Variants in EPM2A observed in about 807,000 individuals in gnomAD.
EPM2A encodes the protein laforin.
EPM2A carries 21 observed loss-of-function variants against 26.5 expected under a neutral mutation model. That is an observed-to-expected ratio of 0.79 (90% CI 0.56 to 1.14). The LOEUF is 1.14. Among genes scored for constraint, EPM2A ranks in the 50% most tolerant of loss-of-function variants. The probability of loss-of-function intolerance (pLI) is 0.00; values close to 1 mark genes in which losing one functional copy is unlikely to be tolerated. For missense variants in EPM2A, 458 were observed against 440.8 expected, an observed-to-expected ratio of 1.04 and a Z score of -0.35; for synonymous variants, 217 against 177.6, an observed-to-expected ratio of 1.22 and a Z score of -1.76.
chr6:145,522,081 T>C (rs1382779614), intron 2 of EPM2A, among the ~76,000 whole-genome samples: 3 of 152,084 alleles, frequency 2.0e-5, no homozygotes, highest in African/African-American at 7.2e-5. Flanking sequence ...GTCTCCCAAG[T>C]AGCTGGGACT....
chr6:145,528,614 T>C (rs1208278373), intron 2 of EPM2A, among the ~76,000 whole-genome samples: 1 of 152,138 alleles, frequency 6.6e-6, no homozygotes, highest in East Asian at 1.9e-4. Context: ...AAATATATAT[T>C]TCTTTTCAAA....
intron 2 of EPM2A, among the ~76,000 whole-genome samples, chr6:145,513,473 T>C (rs1250998623): frequency 6.6e-6 from 1 of 152,210 alleles, no homozygotes; most frequent in African/African-American, 2.4e-5. Flanking sequence ...GTTCAACCTC[T>C]ATGGAAAATA....
intron 4 of EPM2A, among the ~76,000 whole-genome samples, chr6:145,405,915 G>C (rs1434661531): frequency 6.6e-6 from 1 of 151,264 alleles, no homozygotes; most frequent in Non-Finnish European, 1.5e-5. Flanking sequence ...GTTTGAACTT[G>C]ACCATTCCTG....
rs568996239 is a variant in EPM2A, at chr6:145,726,180, G to A, written c.301+9018C>T. On this transcript the variant is annotated intron_variant, in intron 1 of 3. Transcript: ENST00000367519. ...AAAATCACACACACAAAGATGGGGG[G>A]ATGTCAAAGAGACACAAAAGAGAAG... is the stretch of plus-strand genomic sequence containing the variant. Among the ~76,000 whole-genome samples, 784 of 152,054 alleles carry A rather than the reference G, an allele frequency of 5.2e-3. 6 individuals carry two copies. Among genetic ancestry groups the A allele is most frequent in the African/African-American group, 0.018 (747 of 41,508 alleles).
chr6:145,510,762 A>G (rs1780043939), intron 2 of EPM2A, among the ~76,000 whole-genome samples: 1 of 152,208 alleles, frequency 6.6e-6, no homozygotes, highest in Non-Finnish European at 1.5e-5. Flanking sequence ...AACTAAAATT[A>G]GAGCAGAACT....
intron 1 of EPM2A, among the ~76,000 whole-genome samples, chr6:145,703,444 A>G (rs1782046259): frequency 6.6e-6 from 1 of 152,202 alleles, no homozygotes; most frequent in Non-Finnish European, 1.5e-5. Flanking sequence ...AACAGCAAAG[A>G]TTTGGCACAA....
intron 1 of EPM2A, among the ~76,000 whole-genome samples, chr6:145,711,754 T>C (rs1389143581): frequency 2.6e-5 from 4 of 152,164 alleles, no homozygotes; most frequent in Non-Finnish European, 4.4e-5. Flanking sequence ...TCATTTTTCA[T>C]TGGACTAATA....
intron 2 of EPM2A, among the ~76,000 whole-genome samples, chr6:145,592,241 A>G (rs367650026): frequency 2.2e-5 from 3 of 139,502 alleles, no homozygotes; most frequent in African/African-American, 8.1e-5. Context: ...ATTCCCACCT[A>G]TGAGTGAGAA....
intron 2 of EPM2A, among the ~76,000 whole-genome samples, chr6:145,603,429 G>A (rs931842852): frequency 6.6e-6 from 1 of 152,054 alleles, no homozygotes; most frequent in African/African-American, 2.4e-5. Flanking sequence ...TTCTTTCAAA[G>A]CACTCATTTC....
At position 145,618,784 on chromosome 6, in the gene EPM2A, G is replaced by A. The variant is rs377284287; in HGVS notation, c.340+16461C>T. On this transcript the variant is annotated intron_variant, in intron 2 of 3. Coordinates refer to the EPM2A transcript ENST00000450221. ...CAGTGTGAGAACAGACTAATACAAT[G>A]TCACGTTAAGGATTTTTTACTTTTT... Among the ~76,000 whole-genome samples the A allele has an allele frequency of 3.1e-4, 47 of 152,300 alleles. No individual in the cohort carries two copies. The East Asian group carries it at 5.4e-3, about 17-fold the overall frequency.
chr6:145,586,827 G>T (rs1781201681), intron 2 of EPM2A, among the ~76,000 whole-genome samples: 1 of 152,114 alleles, frequency 6.6e-6, no homozygotes, highest in African/African-American at 2.4e-5. Flanking sequence ...AATGCATTCT[G>T]CTTACTCTAC....
intron 2 of EPM2A, among the ~76,000 whole-genome samples, chr6:145,528,619 T>C (rs568211020): frequency 6.6e-5 from 10 of 152,136 alleles, no homozygotes; most frequent in Non-Finnish European, 1.3e-4. Flanking sequence ...TATATTTCTT[T>C]TCAAATATTA....
At chr6:145,523,491 A>G (rs1457034385) in intron 2 of EPM2A, among the ~76,000 whole-genome samples, 1 of 152,166 alleles carries the variant, frequency 6.6e-6, no homozygotes, top group Non-Finnish European at 1.5e-5. Flanking sequence ...CTATTATTAT[A>G]TCTGTTATGA....
At chr6:145,592,775 A>G (rs1781292333) in intron 2 of EPM2A, among the ~76,000 whole-genome samples, 1 of 152,162 alleles carries the variant, frequency 6.6e-6, no homozygotes, top group Admixed American at 6.6e-5. Flanking sequence ...TAGGACAACC[A>G]CCAAAAAAGC....
chr6:145,529,276 T>C (rs1420680830), intron 2 of EPM2A, among the ~76,000 whole-genome samples: 1 of 152,208 alleles, frequency 6.6e-6, no homozygotes, highest in African/African-American at 2.4e-5. Context: ...AAAGAAGTTC[T>C]GCTTTGGGTA....
At chr6:145,393,811 C>A (rs1270719873) in intron 4 of EPM2A, among the ~76,000 whole-genome samples, 1 of 136,264 alleles carries the variant, frequency 7.3e-6, no homozygotes, top group Non-Finnish European at 1.6e-5. Flanking sequence ...ACTAATCAAC[C>A]TATGACTATT....
At chr6:145,448,356 T>G (rs1293133622) in intron 4 of EPM2A, among the ~76,000 whole-genome samples, 1 of 152,006 alleles carries the variant, frequency 6.6e-6, no homozygotes, top group Non-Finnish European at 1.5e-5. Context: ...CCATGGAGAC[T>G]ACACTGGGAA....
intron 2 of EPM2A, among the ~76,000 whole-genome samples, chr6:145,509,090 T>A (rs1370688001): frequency 6.6e-6 from 1 of 152,134 alleles, no homozygotes; most frequent in Non-Finnish European, 1.5e-5. Flanking sequence ...TATAGGATTA[T>A]GTAAAGCAAT....
chr6:145,653,859 C>A (rs1454005259), intron 2 of EPM2A, among the ~76,000 whole-genome samples: 1 of 152,184 alleles, frequency 6.6e-6, no homozygotes, highest in Non-Finnish European at 1.5e-5. Flanking sequence ...CTAAAAAACA[C>A]CTTCACTAGA....
Sources: allele counts gnomAD v4.1 joint callset (sites outside exome capture counted in the v4.1 genomes callset), GRCh38; gene constraint gnomAD v4.1.1; transcripts MANE v1.5; gene names NCBI Gene and HGNC (gene_info 2026-07-23, HGNC 2026-07-21).